KANK1: variants seen among roughly 807,000 people sequenced by gnomAD.
The protein encoded by KANK1 is KN motif and ankyrin repeat domains 1.
KANK1 carries 109 observed loss-of-function variants against 106.2 expected under a neutral mutation model. The ratio of observed to expected loss-of-function variants is 1.03; its 90% CI spans 0.88 to 1.20. The LOEUF is 1.20. Ranked by LOEUF, KANK1 falls within the 50% of genes most tolerant of loss-of-function variation. The pLI is 0.00. For missense variants in KANK1, 2,399 were observed against 1,710.7 expected, an observed-to-expected ratio of 1.40 and a Z score of -7.10; for synonymous variants, 873 against 652.2, an observed-to-expected ratio of 1.34 and a Z score of -5.16.
rs762390540 is a variant in KANK1, at chr9:713,484, C to T, written c.2698+20C>T. The T allele has an allele frequency of 5.3e-5, 81 of 1,526,184 alleles. No individual in the cohort carries two copies. The highest frequency in any genetic ancestry group is 7.1e-5 in the Non-Finnish European group (81 of 1,139,872). 94.5% of individuals were successfully genotyped at this position (1,526,184 alleles called of 1,614,324 possible). A position where few individuals can be genotyped will look rare whatever the true frequency, so the allele number is the denominator to read the frequency against. On this transcript the variant is annotated intron_variant, in intron 3 of 11. Transcript: ENST00000382297. ...TCACAGGTAGGTGGTACCCTGAGGA[C>T]CTGGGAATGAGGAAGGATGGGGGAA...
chr9:472,155 C>G (rs1050496567), intron 2 of KANK1, among the ~76,000 whole-genome samples: 1 of 152,194 alleles, frequency 6.6e-6, no homozygotes, highest in African/African-American at 2.4e-5. Flanking sequence ...TATTCACAGC[C>G]TCTTATAGAG....
intron 2 of KANK1, among the ~76,000 whole-genome samples, chr9:691,630 T>TTTTTTC (rs59652466): frequency 6.8e-6 from 1 of 147,598 alleles, no homozygotes; most frequent in Admixed American, 6.7e-5. Flanking sequence ...TTTTTTTTTT[T>TTTTTTC]GAGACCAGAG....
intron 1 of KANK1, among the ~76,000 whole-genome samples, chr9:521,755 A>G (rs2133232144): frequency 6.6e-6 from 1 of 151,246 alleles, no homozygotes; most frequent in East Asian, 1.9e-4. Flanking sequence ...ATTGGTAGAG[A>G]TGGGGTTTCA....
intron 1 of KANK1, among the ~76,000 whole-genome samples, chr9:528,003 C>T (rs1305809776): frequency 6.6e-6 from 1 of 151,694 alleles, no homozygotes; most frequent in Non-Finnish European, 1.5e-5. Context: ...TGGTGGCGGG[C>T]GCCTGTATAG....
intron 3 of KANK1, among the ~76,000 whole-genome samples, chr9:474,064 C>T (rs1377964200): frequency 3.3e-5 from 5 of 152,162 alleles, no homozygotes; most frequent in African/African-American, 1.2e-4. Flanking sequence ...GATGGCTCCT[C>T]ACAAGAAATA....
At position 741,654 on chromosome 9, in the gene KANK1, AT is replaced by A. The variant is rs1419814196; in HGVS notation, c.3697-545del. ...AGGCGCCCACCCCCACGTCCGGCTT[AT>A]TTTTTGTATTTTTAGTAGAGACAAG... is the stretch of plus-strand genomic sequence containing the variant. On this transcript the variant is annotated intron_variant, in intron 9 of 11. Coordinates refer to ENST00000382297, the MANE Select transcript of KANK1 (RefSeq NM_015158.5). Among the ~76,000 whole-genome samples the A allele has an allele frequency of 2.6e-5, 4 of 151,804 alleles. No individual in the cohort carries two copies. In the South Asian group the frequency reaches 8.3e-4, roughly 32 times the overall value.
chr9:591,958 C>G, intron 1 of KANK1, among the ~76,000 whole-genome samples: 1 of 151,680 alleles, frequency 6.6e-6, no homozygotes. Context: ...TGTGCCCAGC[C>G]ACAATTATCA....
At chr9:529,392 G>C (rs192948789) in intron 1 of KANK1, among the ~76,000 whole-genome samples, 19 of 151,696 alleles carry the variant, frequency 1.3e-4, no homozygotes, top group Admixed American at 7.2e-4. Context: ...GTAGAGATGG[G>C]CTTTCACCAT....
At chr9:709,467 CTT>C (rs1028811151) in intron 2 of KANK1, among the ~76,000 whole-genome samples, 1 of 152,176 alleles carries the variant, frequency 6.6e-6, no homozygotes, top group Admixed American at 6.5e-5. Context: ...ATGCTGCTGA[CTT>C]TGTCTGTCTG....
At chr9:594,028 T>G (rs901623075) in intron 1 of KANK1, among the ~76,000 whole-genome samples, 1 of 151,910 alleles carries the variant, frequency 6.6e-6, no homozygotes, top group Non-Finnish European at 1.5e-5. Context: ...TGCAGCTGAC[T>G]GCCCTGGGGT....
At chr9:607,532 CTG>C (rs1829533849) in intron 1 of KANK1, among the ~76,000 whole-genome samples, 1 of 147,578 alleles carries the variant, frequency 6.8e-6, no homozygotes, top group Non-Finnish European at 1.5e-5. Flanking sequence ...TTGTTAAACA[CTG>C]TTTCAGTTGA....
chr9:502,462 T>C (rs2058573126), upstream of KANK1, among the ~76,000 whole-genome samples: 1 of 152,160 alleles, frequency 6.6e-6, no homozygotes, highest in African/African-American at 2.4e-5. Context: ...CAATGTTTAC[T>C]GACTAAATGC....
At chr9:679,890 T>C (rs769839761) in intron 2 of KANK1, among the ~76,000 whole-genome samples, 1 of 152,144 alleles carries the variant, frequency 6.6e-6, no homozygotes, top group East Asian at 1.9e-4. Context: ...TTTCCCACTT[T>C]GTATTACAAA....
Position 586,191 on chromosome 9 carries a change from A to G in KANK1, c.-84+81437A>G, listed in dbSNP as rs555032002. 4.6e-5 allele frequency among the ~76,000 whole-genome samples: 7 copies of G among 152,370 alleles called. No homozygotes were observed. In the South Asian group the frequency reaches 1.4e-3, roughly 32 times the overall value. ...GCAGACATACTTGTCTAAGTTTGGC[A>G]GAGTGGCTGGACCAGGATTCATGCC... is the stretch of plus-strand genomic sequence containing the variant. On this transcript the variant is annotated intron_variant, in intron 1 of 11. Coordinates refer to ENST00000382297, the MANE Select transcript of KANK1 (RefSeq NM_015158.5).
intron 1 of KANK1, among the ~76,000 whole-genome samples, chr9:614,581 C>T (rs1050091623): frequency 6.6e-5 from 10 of 152,064 alleles, no homozygotes; most frequent in African/African-American, 1.7e-4. Context: ...GGGACTGTCT[C>T]GTGTGCGGCA....
chr9:511,511 T>C (rs1242308719), intron 1 of KANK1, among the ~76,000 whole-genome samples: 1 of 152,156 alleles, frequency 6.6e-6, no homozygotes, highest in African/African-American at 2.4e-5. Context: ...AATAAAAGCA[T>C]CTCCTTTATT....
At chr9:743,572 A>G (rs1203802348) in intron 10 of KANK1, among the ~76,000 whole-genome samples, 2 of 152,202 alleles carry the variant, frequency 1.3e-5, no homozygotes, top group Non-Finnish European at 2.9e-5. Context: ...TCCGTATTTC[A>G]AGACTAGATA....
chr9:594,324 G>A (rs1352975242), intron 1 of KANK1, among the ~76,000 whole-genome samples: 2 of 151,920 alleles, frequency 1.3e-5, no homozygotes, highest in African/African-American at 4.9e-5. Context: ...AGGGGGAAAA[G>A]GCCAACATGA....
rs71314728 is a variant in KANK1 at position 704,992 on chromosome 9, CAAAAAAAAA to C, written c.38-5795_38-5787del. ...TGGGCAACAGAGTCGGACCCTGTCT[CAAAAAAAAA>C]AAAAAAAAAAAAAAAAGAGCAATAC... On this transcript the variant is annotated intron_variant, in intron 2 of 11. Transcript: ENST00000382297. Among the ~76,000 whole-genome samples the C allele has an allele frequency of 1.2e-3, 64 of 53,084 alleles. 1 individual carries two copies. The highest frequency in any genetic ancestry group is 1.8e-3 in the Non-Finnish European group (57 of 30,998). The allele number at this position is 53,084 out of a possible 152,430, so 34.8% of individuals were successfully genotyped here. A position where few individuals can be genotyped will look rare whatever the true frequency, so the allele number is the denominator to read the frequency against.
Sources: gnomAD v4.1 joint callset for allele counts (sites outside exome capture counted in the v4.1 genomes callset) on GRCh38, gnomAD v4.1.1 for gene constraint, MANE v1.5 for transcripts, NCBI Gene and HGNC (gene_info 2026-07-23, HGNC 2026-07-21) for gene names.